DHRSX: variants seen among roughly 807,000 people sequenced by gnomAD.
DHRSX encodes the protein polyprenol dehydrogenase.
DHRSX carries 31 observed loss-of-function variants against 34.0 expected under a neutral mutation model. That is an observed-to-expected ratio of 0.91 (90% CI 0.69 to 1.23). DHRSX has a LOEUF of 1.23. DHRSX is among the 50% of genes most tolerant of loss of function. The pLI is 0.00. For missense variants in DHRSX, 414 were observed against 428.1 expected (o/e 0.97, Z 0.29); for synonymous variants, 201 against 183.8 (o/e 1.09, Z -0.76).
intron 1 of DHRSX, chrX:2,489,236 T>C: frequency 6.2e-7 from 1 of 1,613,796 alleles, no homozygotes; most frequent in African/African-American, 1.3e-5. Context: ...CACCACGCGA[T>C]TCTCCACCTG....
chrX:2,430,446 G>A (rs1385978836), intron 1 of DHRSX, among the ~76,000 whole-genome samples: 4 of 152,000 alleles, frequency 2.6e-5, no homozygotes, highest in South Asian at 4.2e-4. Flanking sequence ...CCAGCCACCC[G>A]GTGCCTCTGC....
At chrX:2,472,625 C>T (rs1390403325) in intron 1 of DHRSX, among the ~76,000 whole-genome samples, 9 of 151,986 alleles carry the variant, frequency 5.9e-5, no homozygotes, top group Admixed American at 5.2e-4. Context: ...CAAAATCAGC[C>T]GAGCATGGTG....
chrX:2,418,832 T>C (rs777875678), intron 2 of DHRSX, among the ~76,000 whole-genome samples: 50 of 152,306 alleles, frequency 3.3e-4, no homozygotes, highest in Middle Eastern at 3.4e-3. Context: ...ATGTTGTTAA[T>C]GATACAGCAG....
At chrX:2,226,674 G>A (rs181583184) in intron 6 of DHRSX, among the ~76,000 whole-genome samples, 2,899 of 117,952 alleles carry the variant, frequency 0.025, 103 homozygotes, top group African/African-American at 0.082. Context: ...GGTGGCGAGC[G>A]CCTGTAGTCC....
intron 3 of DHRSX, among the ~76,000 whole-genome samples, chrX:2,294,734 T>G (rs1382624781): frequency 1.7e-4 from 16 of 94,774 alleles, no homozygotes; most frequent in South Asian, 6.4e-4. Context: ...CAGAGAGAAA[T>G]AGAGAAAAGA....
intron 3 of DHRSX, among the ~76,000 whole-genome samples, chrX:2,370,360 T>C (rs2043042763): frequency 6.6e-6 from 1 of 150,586 alleles, no homozygotes; most frequent in Non-Finnish European, 1.5e-5. Flanking sequence ...TTAGTAGAGA[T>C]GGGGTTTCAC....
At chrX:2,259,381 T>TAGATAG (rs1227194460) in intron 5 of DHRSX, among the ~76,000 whole-genome samples, 2 of 60,600 alleles carry the variant, frequency 3.3e-5, no homozygotes, top group African/African-American at 1.7e-4. Context: ...TATAGATATA[T>TAGATAG]ATATAGATAT....
At chrX:2,346,252 G>GT (rs2042709646) in intron 3 of DHRSX, among the ~76,000 whole-genome samples, 1 of 30,748 alleles carries the variant, frequency 3.3e-5, no homozygotes, top group Admixed American at 4.3e-4. Context: ...CATCTGACAT[G>GT]CCCGAGTTGT....
chrX:2,471,877 G>A (rs1280231602), intron 1 of DHRSX, among the ~76,000 whole-genome samples: 1 of 152,086 alleles, frequency 6.6e-6, no homozygotes, highest in Non-Finnish European at 1.5e-5. Context: ...TGGGTGTGGT[G>A]GCTCACACCT....
chrX:2,399,170 C>G (rs2043452301), intron 3 of DHRSX, among the ~76,000 whole-genome samples: 1 of 152,010 alleles, frequency 6.6e-6, no homozygotes, highest in Admixed American at 6.6e-5. Context: ...AGAAGGAACA[C>G]AATGAGACCT....
intron 3 of DHRSX, among the ~76,000 whole-genome samples, chrX:2,304,023 T>TGATG (rs745829295): frequency 0.078 from 5,312 of 67,796 alleles, 215 homozygotes; most frequent in Non-Finnish European, 0.11. Context: ...ATGGATGAAC[T>TGATG]GATGGATGGA....
chrX:2,434,855 G>A, intron 1 of DHRSX, among the ~76,000 whole-genome samples: 1 of 152,204 alleles, frequency 6.6e-6, no homozygotes, highest in Admixed American at 6.5e-5. Context: ...AAGACTTTTT[G>A]CAGGTGTTAC....
chrX:2,469,034 T>C (rs2123995805), intron 1 of DHRSX, among the ~76,000 whole-genome samples: 1 of 150,970 alleles, frequency 6.6e-6, no homozygotes, highest in Admixed American at 6.6e-5. Flanking sequence ...CCTAGGCACG[T>C]GGCTGAGGGG....
At position 2,266,811 on chromosome X, in the gene DHRSX, A is replaced by C. The variant is rs200392470; in HGVS notation, c.525T>G (p.Ser175Arg). 58 of 1,613,964 alleles carry C rather than the reference A, an allele frequency of 3.6e-5. No homozygotes were observed. The East Asian group carries it at 1.2e-3, about 32-fold the overall frequency. ...CAGAGGAGACGGTGACCACCCTCGC[A>C]CTGTGGCCAGGGGACCCAGACTCTT... Reference protein sequence around the residue: ...TLKESGSPGHSARVVTVSSAT... With the variant: ...TLKESGSPGHRARVVTVSSAT... Residue 175 changes from serine (S) to arginine (R), a missense_variant, in exon 5 of 7, where the codon AGT (serine) becomes AGG (arginine). Coordinates refer to ENST00000334651, the MANE Select transcript of DHRSX (RefSeq NM_145177.3).
At position 2,425,305 on chromosome X, in the gene DHRSX, C is replaced by T; in HGVS notation, c.110-1G>A. On this transcript the variant is annotated splice_acceptor_variant, in intron 1 of 6. Transcript: ENST00000334651. LOFTEE classifies it high-confidence loss of function. Reference sequence around the variant, plus strand: ...ACACGGTCAGGTCGTGGGGGGAAAACTGAAAAAGAAGAAGAGAAAATCATC... The same window carrying T: ...ACACGGTCAGGTCGTGGGGGGAAAATTGAAAAAGAAGAAGAGAAAATCATC... 1 of 1,610,138 alleles carries T rather than the reference C, an allele frequency of 6.2e-7. No homozygotes were observed. The highest frequency in any genetic ancestry group is 1.1e-5 in the South Asian group (1 of 90,558).
At chrX:2,456,756 C>T (rs1046242823) in intron 1 of DHRSX, among the ~76,000 whole-genome samples, 11 of 152,122 alleles carry the variant, frequency 7.2e-5, no homozygotes, top group African/African-American at 2.4e-4. Context: ...CAAGTCTACA[C>T]GAATATAAAG....
At chrX:2,306,436 C>G (rs1398881364) in intron 3 of DHRSX, among the ~76,000 whole-genome samples, 9 of 151,774 alleles carry the variant, frequency 5.9e-5, no homozygotes, top group Non-Finnish European at 1.3e-4. Context: ...AGGAATGAAG[C>G]CCACAATTAA....
intron 2 of DHRSX, among the ~76,000 whole-genome samples, chrX:2,416,106 T>A (rs1952210325): frequency 6.6e-6 from 1 of 151,182 alleles, no homozygotes; most frequent in African/African-American, 2.4e-5. Context: ...ACCAACCAGA[T>A]CTCATCACAA....
chrX:2,481,103 T>A (rs1433258123), intron 1 of DHRSX, among the ~76,000 whole-genome samples: 3 of 152,198 alleles, frequency 2.0e-5, no homozygotes, highest in South Asian at 4.1e-4. Flanking sequence ...AGGTTAATAA[T>A]ATGGTAACCA....
Sources: gnomAD v4.1 joint callset for allele counts (sites outside exome capture counted in the v4.1 genomes callset) on GRCh38, gnomAD v4.1.1 for gene constraint, MANE v1.5 for transcripts, NCBI Gene and HGNC (gene_info 2026-07-23, HGNC 2026-07-21) for gene names.